The following PLA2R1 variants were observed in gnomAD, a reference collection of about 807,000 sequenced individuals.
PLA2R1 encodes the protein phospholipase A2 receptor 1.
In PLA2R1, 158 loss-of-function variants were observed where a neutral mutation model predicts 195.9. The observed-to-expected ratio is 0.81, with a 90% CI of 0.71 to 0.92. The LOEUF is 0.92. Among genes scored for constraint, PLA2R1 ranks in the 40% least tolerant of loss-of-function variants. The pLI is 0.00. For synonymous variants in PLA2R1, 586 were observed against 598.2 expected (o/e 0.98, Z 0.30); for missense variants, 1,626 against 1,764.6 (o/e 0.92, Z 1.41).
intron 8 of PLA2R1, 38 bp downstream of exon 8, chr2:160,020,068 A>G (rs765453884): frequency 1.3e-6 from 2 of 1,544,062 alleles, no homozygotes; most frequent in Non-Finnish European, 1.8e-6. Context: ...TCAGTACAAG[A>G]CCAGCAAAGT....
intron 11 of PLA2R1, among the ~76,000 whole-genome samples, chr2:160,004,458 G>A (rs1355333347): frequency 1.3e-5 from 2 of 152,114 alleles, no homozygotes; most frequent in Non-Finnish European, 2.9e-5. Context: ...TTATATTTTA[G>A]TGTGAGGCCA....
At position 160,061,038 on chromosome 2, in the gene PLA2R1, G is replaced by A. The variant is rs568772920; in HGVS notation, c.109+1257C>T. 3.3e-5 allele frequency among the ~76,000 whole-genome samples: 5 copies of A among 152,338 alleles called. No homozygotes were observed. In the South Asian group the frequency reaches 6.2e-4, roughly 19 times the overall value. On this transcript the variant is annotated intron_variant, in intron 1 of 29. Transcript: ENST00000283243. Reference sequence around the variant, plus strand: ...CTGATTAAGCCTCCAGGGAGCTTAGGAAACACAGTCTAGAAAAGACTACCT... The same window carrying A: ...CTGATTAAGCCTCCAGGGAGCTTAGAAAACACAGTCTAGAAAAGACTACCT...
intron 1 of PLA2R1, among the ~76,000 whole-genome samples, 165 bp downstream of exon 1, chr2:160,062,130 A>G (rs1482502670): frequency 6.6e-6 from 1 of 150,808 alleles, no homozygotes; most frequent in Non-Finnish European, 1.5e-5. Context: ...GCAGGACACC[A>G]CCCGCTCCCC....
chr2:160,013,745 GTGTGTGTC>G (rs1377537598), intron 9 of PLA2R1, among the ~76,000 whole-genome samples: 1 of 137,594 alleles, frequency 7.3e-6, no homozygotes, highest in Non-Finnish European at 1.6e-5. Context: ...GTGTGTGTGT[GTGTGTGTC>G]TCTCTCTCTC....
intron 6 of PLA2R1, among the ~76,000 whole-genome samples, chr2:160,023,272 G>A (rs1693260913): frequency 6.6e-6 from 1 of 152,136 alleles, no homozygotes; most frequent in Admixed American, 6.5e-5. Context: ...TACAGGATGA[G>A]ACAGAAAGTC....
chr2:160,002,229 A>T (rs1358476932), intron 11 of PLA2R1, among the ~76,000 whole-genome samples: 1 of 151,894 alleles, frequency 6.6e-6, no homozygotes, highest in Non-Finnish European at 1.5e-5. Context: ...TTCATATTGG[A>T]AATTGGAATG....
At chr2:160,007,088 T>C (rs1326636493) in intron 10 of PLA2R1, among the ~76,000 whole-genome samples, 2 of 152,208 alleles carry the variant, frequency 1.3e-5, no homozygotes, top group Admixed American at 1.3e-4. Context: ...TAGCACACAT[T>C]TGAAACAAGA....
At chr2:159,957,832 G>A (rs751538528) in intron 20 of PLA2R1, among the ~76,000 whole-genome samples, 10 of 152,152 alleles carry the variant, frequency 6.6e-5, no homozygotes, top group Non-Finnish European at 1.0e-4. Context: ...TAATGGATCA[G>A]GCAAAATTCC....
At chr2:160,032,856 T>G (rs1262173765) in intron 4 of PLA2R1, 103 bp downstream of exon 4, 2 of 986,158 alleles carry the variant, frequency 2.0e-6, no homozygotes, top group Admixed American at 2.5e-5. Flanking sequence ...AAGAAAAATA[T>G]TTTTTAAGAA....
rs189195550 is a variant in PLA2R1, at chr2:159,990,592, C to T, written c.1835-3234G>A. ...CATCCTCATCTCTCAAGTCCTCTAC[C>T]CTCTCACCTTCCCTCTCTCTCTCCT... On this transcript the variant is annotated intron_variant, in intron 11 of 29. Coordinates refer to ENST00000283243, the MANE Select transcript of PLA2R1 (RefSeq NM_007366.5). Among the ~76,000 whole-genome samples, 646 of 152,288 alleles carry T rather than the reference C, an allele frequency of 4.2e-3. 3 individuals carry two copies. Among genetic ancestry groups the T allele is most frequent in the Non-Finnish European group, 7.1e-3 (482 of 68,028 alleles).
intron 1 of PLA2R1, among the ~76,000 whole-genome samples, chr2:160,054,253 T>C (rs1320372804): frequency 2.6e-5 from 4 of 152,060 alleles, no homozygotes; most frequent in Non-Finnish European, 4.4e-5. Flanking sequence ...CTGAGCAACA[T>C]AGCAAGACCC....
At chr2:159,976,992 G>A (rs112547214) in intron 15 of PLA2R1, among the ~76,000 whole-genome samples, 3 of 152,294 alleles carry the variant, frequency 2.0e-5, no homozygotes, top group African/African-American at 7.2e-5. Context: ...TACTCATTGT[G>A]CAAGTAATTC....
rs1407074499 is a variant in PLA2R1 at position 160,020,186 on chromosome 2, C to T, written c.1372G>A (p.Val458Ile). ...AGTGTGTGCCAATTAGTAAAGATGA[C>T]TGAAGAGTCATTAGACCATTCAAAG... ...VSFEWSNDSS[V>I]IFTNWHTLEP... is the part of the protein sequence containing the mutation. The change falls in exon 8 of 30, where the codon GTC becomes ATC. Residue 458 changes from valine (V) to isoleucine (I), a missense_variant. Val to Ile is a conservative substitution (Grantham distance 29). Transcript: ENST00000283243. The T allele has an allele frequency of 3.7e-6, 6 of 1,612,066 alleles. No individual in the cohort carries two copies. Among genetic ancestry groups the T allele is most frequent in the Non-Finnish European group, 3.4e-6 (4 of 1,178,152 alleles).
In PLA2R1 at chr2:160,061,438, C is replaced by A. The variant is rs75503123; in HGVS notation, c.109+857G>T. ...ACTAAGGCATAAAGGCTTCAGATCA[C>A]GCAGTTCATGGAGCCACTGGGGCTT... On this transcript the variant is annotated intron_variant, in intron 1 of 29. Transcript: ENST00000283243. Among the ~76,000 whole-genome samples, 8 of 152,280 alleles carry A rather than the reference C, an allele frequency of 5.3e-5. No individual in the cohort carries two copies. In the East Asian group the frequency reaches 1.5e-3, roughly 29 times the overall value.
At chr2:160,059,044 CATTAG>C (rs1245148902) in intron 1 of PLA2R1, among the ~76,000 whole-genome samples, 1 of 152,132 alleles carries the variant, frequency 6.6e-6, no homozygotes, top group Non-Finnish European at 1.5e-5. Flanking sequence ...GATCATCAGG[CATTAG>C]ATTATCATAA....
At chr2:160,038,157 G>A (rs946383093) in intron 3 of PLA2R1, among the ~76,000 whole-genome samples, 5 of 152,316 alleles carry the variant, frequency 3.3e-5, no homozygotes, top group African/African-American at 1.2e-4. Context: ...TCTATTTAGA[G>A]GATGAGAGAG....
In PLA2R1 at chr2:160,028,964, C is replaced by T; in HGVS notation, c.842-1G>A. On this transcript the variant is annotated splice_acceptor_variant, in intron 4 of 29. Transcript: ENST00000283243. LOFTEE classifies it high-confidence loss of function. ...TCCACTGTTTTACTGCTCATGTGCT[C>T]TGAAATGAAAATTATGGAGCTTCAA... The T allele has an allele frequency of 6.6e-7, 1 of 1,515,216 alleles. No individual in the cohort carries two copies. The highest frequency in any genetic ancestry group is 9.2e-7 in the Non-Finnish European group (1 of 1,087,468). The allele number at this position is 1,515,216 out of a possible 1,614,324, so 93.9% of individuals were successfully genotyped here. A position where few individuals can be genotyped will look rare whatever the true frequency, so the allele number is the denominator to read the frequency against.
intron 7 of PLA2R1, among the ~76,000 whole-genome samples, chr2:160,021,304 T>C (rs1693094957): frequency 6.6e-6 from 1 of 152,174 alleles, no homozygotes; most frequent in African/African-American, 2.4e-5. Flanking sequence ...AAAATCATTA[T>C]ATCAAAAAGA....
intron 11 of PLA2R1, among the ~76,000 whole-genome samples, chr2:160,004,542 G>A (rs1281659162): frequency 1.3e-5 from 2 of 152,190 alleles, no homozygotes; most frequent in African/African-American, 4.8e-5. Flanking sequence ...GAGCTCTGAG[G>A]ATGGAATAGA....
Sources: allele counts gnomAD v4.1 joint callset (sites outside exome capture counted in the v4.1 genomes callset), GRCh38; gene constraint gnomAD v4.1.1; transcripts MANE v1.5; gene names NCBI Gene and HGNC (gene_info 2026-07-23, HGNC 2026-07-21).